The following ZNF385D variants were observed in gnomAD, a reference collection of about 807,000 sequenced individuals.
The protein encoded by ZNF385D is zinc finger protein 659.
In ZNF385D, 15 loss-of-function variants were observed where a neutral mutation model predicts 35.8. The observed-to-expected ratio is 0.42, with a 90% CI of 0.28 to 0.64. ZNF385D has a LOEUF of 0.64. Ranked by LOEUF, ZNF385D falls within the 30% of genes least tolerant of loss-of-function variation. The pLI is 0.23. For synonymous variants in ZNF385D, 212 were observed against 186.8 expected, an observed-to-expected ratio of 1.13 and a Z score of -1.10; for missense variants, 474 against 494.6, an observed-to-expected ratio of 0.96 and a Z score of 0.39.
At chr3:21,820,629 T>C (rs972406024) in intron 3 of ZNF385D, among the ~76,000 whole-genome samples, 7 of 151,258 alleles carry the variant, frequency 4.6e-5, no homozygotes, top group African/African-American at 1.5e-4. Context: ...AAAAATACAA[T>C]AGAAAACAAA....
At chr3:21,925,586 C>A (rs1355446384) in intron 3 of ZNF385D, among the ~76,000 whole-genome samples, 1 of 151,736 alleles carries the variant, frequency 6.6e-6, no homozygotes, top group Non-Finnish European at 1.5e-5. Flanking sequence ...GAGACTTGAC[C>A]CAAAAAGGAT....
chr3:21,934,324 A>C lies in ZNF385D; in HGVS notation c.325+234493T>G, dbSNP rs1012820143. ...AATACCAAAAGCTGCATTTGGGTGAAATAATGCTCTATGCTTTTATGTAAA... is the reference window on the plus strand; with the variant it reads ...AATACCAAAAGCTGCATTTGGGTGACATAATGCTCTATGCTTTTATGTAAA... On this transcript the variant is annotated intron_variant, in intron 3 of 5. Coordinates refer to the ZNF385D transcript ENST00000494108. Among the ~76,000 whole-genome samples, 5 of 152,294 alleles carry C rather than the reference A, an allele frequency of 3.3e-5. No individual in the cohort carries two copies. The East Asian group carries it at 9.6e-4, about 29-fold the overall frequency.
chr3:22,134,572 A>G (rs1014973498), intron 3 of ZNF385D, among the ~76,000 whole-genome samples: 1 of 152,170 alleles, frequency 6.6e-6, no homozygotes, highest in Non-Finnish European at 1.5e-5. Context: ...TTTCAAGCAT[A>G]CATGGGACAT....
intron 3 of ZNF385D, among the ~76,000 whole-genome samples, chr3:21,949,172 A>G (rs534014705): frequency 1.3e-4 from 20 of 152,308 alleles, no homozygotes; most frequent in Middle Eastern, 3.4e-3. Flanking sequence ...TTATTTTCCA[A>G]TTGAATTATA....
At chr3:22,267,863 A>G (rs921801002) in intron 2 of ZNF385D, among the ~76,000 whole-genome samples, 5 of 151,996 alleles carry the variant, frequency 3.3e-5, no homozygotes, top group Non-Finnish European at 5.9e-5. Context: ...GGCAATAAAA[A>G]TCATTGATGG....
chr3:21,978,831 T>A (rs986494522), intron 3 of ZNF385D, among the ~76,000 whole-genome samples: 3 of 152,164 alleles, frequency 2.0e-5, no homozygotes, highest in African/African-American at 7.2e-5. Context: ...AAATGTTTCC[T>A]GCATTAGTGA....
chr3:22,346,477 C>G (rs1695664377), intron 2 of ZNF385D, among the ~76,000 whole-genome samples: 1 of 152,144 alleles, frequency 6.6e-6, no homozygotes, highest in Non-Finnish European at 1.5e-5. Flanking sequence ...TTTATATTCA[C>G]TATTTCATTT....
intron 2 of ZNF385D, among the ~76,000 whole-genome samples, chr3:21,606,470 C>G (rs893491886): frequency 6.6e-6 from 1 of 152,090 alleles, no homozygotes; most frequent in African/African-American, 2.4e-5. Flanking sequence ...AATGGAACAC[C>G]ATTAATATAT....
At chr3:22,094,565 AG>A (rs1701514514) in intron 3 of ZNF385D, among the ~76,000 whole-genome samples, 1 of 151,822 alleles carries the variant, frequency 6.6e-6, no homozygotes, top group South Asian at 2.1e-4. Flanking sequence ...CAGAGGTGGA[AG>A]GAAGAAGTGA....
At chr3:21,879,189 G>C (rs1190793018) in intron 3 of ZNF385D, among the ~76,000 whole-genome samples, 2 of 151,542 alleles carry the variant, frequency 1.3e-5, no homozygotes, top group African/African-American at 2.4e-5. Context: ...ATCATGAATG[G>C]AAAAAAAATC....
At position 22,018,806 on chromosome 3, in the gene ZNF385D, T is replaced by G. The variant is rs75823950; in HGVS notation, c.325+150011A>C. 6.1e-3 allele frequency among the ~76,000 whole-genome samples: 924 copies of G among 152,028 alleles called. 10 individuals are homozygous for G. The highest frequency in any genetic ancestry group is 0.021 in the African/African-American group (853 of 41,510). ...TAACCCTACAAAGTCATTTCACCTG[T>G]GCTTTAGCAGATTGATCCAGCTATT... On this transcript the variant is annotated intron_variant, in intron 3 of 5. Coordinates refer to the ZNF385D transcript ENST00000494108.
At chr3:22,049,732 T>C (rs573059806) in intron 3 of ZNF385D, among the ~76,000 whole-genome samples, 23 of 152,318 alleles carry the variant, frequency 1.5e-4, no homozygotes, top group African/African-American at 4.8e-4. Flanking sequence ...GACAAGATGC[T>C]CAATTTTCAG....
intron 3 of ZNF385D, among the ~76,000 whole-genome samples, chr3:21,819,661 G>T (rs1043158209): frequency 6.9e-6 from 1 of 144,136 alleles, no homozygotes; most frequent in Non-Finnish European, 1.5e-5. Context: ...ATATTTATGT[G>T]TATTAATTAT....
chr3:21,672,883 C>A (rs2066618399), intron 1 of ZNF385D, among the ~76,000 whole-genome samples: 1 of 152,098 alleles, frequency 6.6e-6, no homozygotes, highest in East Asian at 1.9e-4. Context: ...ACTTTGATGA[C>A]AATTTCTGGT....
intron 2 of ZNF385D, among the ~76,000 whole-genome samples, chr3:21,566,357 G>C (rs2125656622): frequency 6.6e-6 from 1 of 152,312 alleles, no homozygotes. Context: ...AGGCACGATA[G>C]CTCATGCCTA....
At chr3:22,021,207 T>C (rs1164227388) in intron 3 of ZNF385D, among the ~76,000 whole-genome samples, 3 of 151,654 alleles carry the variant, frequency 2.0e-5, no homozygotes, top group African/African-American at 7.3e-5. Context: ...CACTACACAA[T>C]CGATACATGA....
At chr3:22,230,169 A>T (rs1698801357) in intron 2 of ZNF385D, among the ~76,000 whole-genome samples, 1 of 152,198 alleles carries the variant, frequency 6.6e-6, no homozygotes, top group Non-Finnish European at 1.5e-5. Flanking sequence ...AATTTGGCTT[A>T]AAGAAAAAGA....
At chr3:21,885,086 ACTT>A (rs925543626) in intron 3 of ZNF385D, among the ~76,000 whole-genome samples, 8 of 152,046 alleles carry the variant, frequency 5.3e-5, no homozygotes, top group African/African-American at 1.7e-4. Flanking sequence ...AAACTTACCA[ACTT>A]CTTCTCTAGA....
At chr3:21,769,320 G>T (rs1234042811) in intron 3 of ZNF385D, among the ~76,000 whole-genome samples, 1 of 138,708 alleles carries the variant, frequency 7.2e-6, no homozygotes, top group African/African-American at 2.8e-5. Context: ...TGACATGATT[G>T]TATATCTAGA....
Sources: gnomAD v4.1 joint callset for allele counts (sites outside exome capture counted in the v4.1 genomes callset) on GRCh38, gnomAD v4.1.1 for gene constraint, MANE v1.5 for transcripts, NCBI Gene and HGNC (gene_info 2026-07-23, HGNC 2026-07-21) for gene names.